Variants in PDE10A observed in about 807,000 individuals in gnomAD.
PDE10A encodes the protein cAMP and cAMP-inhibited cGMP 3',5'-cyclic phosphodiesterase 10A.
PDE10A carries 39 observed loss-of-function variants against 97.7 expected under a neutral mutation model. The observed-to-expected ratio is 0.40, with a 90% CI of 0.31 to 0.52. The LOEUF is 0.52. Among genes scored for constraint, PDE10A ranks in the 20% least tolerant of loss-of-function variants. The pLI is 0.56. For missense variants in PDE10A, 731 were observed against 1,047.8 expected (o/e 0.70, Z 4.17); for synonymous variants, 371 against 376.8 (o/e 0.98, Z 0.18).
rs578053796 is a variant in PDE10A at position 165,739,152 on chromosome 6, T to G, written c.-614-195584A>C. Among the ~76,000 whole-genome samples the G allele has an allele frequency of 2.0e-5, 3 of 152,322 alleles. No individual in the cohort carries two copies. In the East Asian group the frequency reaches 5.8e-4, roughly 29 times the overall value. On this transcript the variant is annotated intron_variant, in intron 1 of 19. Transcript: ENST00000366882. ...AGAACAAAAAATCCTAAAATTCATA[T>G]GGAATCACAGGACCCTGGATAGTCA... is the stretch of plus-strand genomic sequence containing the variant.
chr6:165,626,520 T>C (rs1364357424), intron 1 of PDE10A, among the ~76,000 whole-genome samples: 2 of 152,226 alleles, frequency 1.3e-5, no homozygotes, highest in Non-Finnish European at 2.9e-5. Context: ...AGAGAGAAGA[T>C]GTTTGGAATA....
intron 1 of PDE10A, among the ~76,000 whole-genome samples, chr6:165,689,900 C>T (rs992699937): frequency 3.3e-5 from 5 of 152,196 alleles, no homozygotes; most frequent in African/African-American, 9.7e-5. Context: ...AGTTCTGCCA[C>T]CGGGTGAGTA....
intron 2 of PDE10A, among the ~76,000 whole-genome samples, chr6:165,519,620 T>C (rs1233441451): frequency 6.6e-6 from 1 of 152,204 alleles, no homozygotes; most frequent in Non-Finnish European, 1.5e-5. Context: ...CCTTGCTTCA[T>C]AGAACACGTG....
intron 1 of PDE10A, among the ~76,000 whole-genome samples, chr6:165,858,798 G>C (rs1328245838): frequency 6.6e-6 from 1 of 152,114 alleles, no homozygotes; most frequent in African/African-American, 2.4e-5. Flanking sequence ...TTTCCCCGGG[G>C]GTACTCCCTG....
intron 1 of PDE10A, chr6:165,986,256 C>G (rs2128505286): frequency 6.5e-6 from 1 of 153,728 alleles, no homozygotes; most frequent in East Asian, 1.9e-4. Flanking sequence ...TTTCCCCACC[C>G]CCTGGCCCTC....
In PDE10A at chr6:165,332,965, AATGTC is replaced by A; in HGVS notation, c.*55_*59del. Reference sequence around the variant, plus strand: ...CCACCCCCCCCAAAAAAAGGAAAAGAATGTCAAAGAAGCAAGATGAGGATCTGTAG... The same window carrying A: ...CCACCCCCCCCAAAAAAAGGAAAAGAAAAGAAGCAAGATGAGGATCTGTAG... On this transcript the variant is annotated 3_prime_UTR_variant, in exon 22 of 22. Coordinates refer to ENST00000539869, the MANE Select transcript of PDE10A (RefSeq NM_001385079.1). 1 of 614,344 alleles carries A rather than the reference AATGTC, an allele frequency of 1.6e-6. No individual in the cohort carries two copies. Among genetic ancestry groups the A allele is most frequent in the Non-Finnish European group, 3.0e-6 (1 of 334,326 alleles). The allele number at this position is 614,344 out of a possible 1,614,324, so 38.1% of individuals were successfully genotyped here. A position where few individuals can be genotyped will look rare whatever the true frequency, so the allele number is the denominator to read the frequency against.
At chr6:165,624,492 GT>G (rs1481190236) in intron 1 of PDE10A, among the ~76,000 whole-genome samples, 3 of 152,184 alleles carry the variant, frequency 2.0e-5, no homozygotes, top group African/African-American at 7.2e-5. Flanking sequence ...GCATTTCTCT[GT>G]TTTTTATTTT....
At chr6:165,595,964 T>G (rs828560) in intron 1 of PDE10A, among the ~76,000 whole-genome samples, 44,233 of 152,052 alleles carry the variant, frequency 0.29, 8,296 homozygotes, top group African/African-American at 0.52. Flanking sequence ...GGACAAATAT[T>G]CAGACCACAG....
intron 18 of PDE10A, among the ~76,000 whole-genome samples, chr6:165,359,555 A>G (rs1263886597): frequency 6.6e-6 from 1 of 152,112 alleles, no homozygotes; most frequent in Non-Finnish European, 1.5e-5. Context: ...CTCTGCTAAA[A>G]TTCTGCATTT....
chr6:165,784,917 G>T (rs926187791), intron 1 of PDE10A, among the ~76,000 whole-genome samples: 2 of 152,180 alleles, frequency 1.3e-5, no homozygotes, highest in Non-Finnish European at 2.9e-5. Context: ...GAGAGCTCCT[G>T]GGGAACTGGT....
chr6:165,502,842 TGGAGGGTGTA>T (rs1780969547), intron 2 of PDE10A, among the ~76,000 whole-genome samples: 1 of 151,660 alleles, frequency 6.6e-6, no homozygotes, highest in African/African-American at 2.4e-5. Flanking sequence ...TAGAGGAGGG[TGGAGGGTGTA>T]GGAGGGAACA....
chr6:165,643,445 G>A (rs1442247532), intron 1 of PDE10A, among the ~76,000 whole-genome samples: 2 of 152,162 alleles, frequency 1.3e-5, no homozygotes. Flanking sequence ...AGCCTTTTCA[G>A]ATTGTCCCAT....
intron 9 of PDE10A, among the ~76,000 whole-genome samples, chr6:165,429,329 T>C (rs1247003884): frequency 2.0e-5 from 3 of 152,090 alleles, no homozygotes; most frequent in Non-Finnish European, 4.4e-5. Flanking sequence ...TCGATATGCA[T>C]GTAACGTATG....
chr6:165,676,186 A>G (rs553492395), intron 1 of PDE10A, among the ~76,000 whole-genome samples: 9 of 152,286 alleles, frequency 5.9e-5, no homozygotes, highest in African/African-American at 2.2e-4. Flanking sequence ...ATGTGTACAC[A>G]TGGATGTACA....
chr6:165,914,507 G>A (rs1170122975), intron 1 of PDE10A, among the ~76,000 whole-genome samples: 3 of 152,120 alleles, frequency 2.0e-5, no homozygotes, highest in African/African-American at 4.8e-5. Context: ...AACAGATGCC[G>A]AAACAGAGAC....
intron 13 of PDE10A, among the ~76,000 whole-genome samples, chr6:165,405,085 T>TTA (rs1554256364): frequency 3.0e-4 from 45 of 148,766 alleles, no homozygotes; most frequent in South Asian, 6.4e-4. Flanking sequence ...GGGAACAAAT[T>TTA]AAAAAAAAAA....
chr6:165,836,717 TG>T (rs1780072228), intron 1 of PDE10A, among the ~76,000 whole-genome samples: 1 of 151,966 alleles, frequency 6.6e-6, no homozygotes, highest in African/African-American at 2.4e-5. Flanking sequence ...GAGCTGAAAG[TG>T]GGGGGTCAGA....
chr6:165,454,414 C>T (rs555003648), intron 3 of PDE10A, among the ~76,000 whole-genome samples: 119 of 152,218 alleles, frequency 7.8e-4, no homozygotes, highest in African/African-American at 2.7e-3. Flanking sequence ...CCAAAGTTTG[C>T]GTTAAAAATT....
chr6:165,395,126 G>A (rs1032448793), intron 15 of PDE10A, 55 bp downstream of exon 15: 1 of 1,064,024 alleles, frequency 9.4e-7, no homozygotes, highest in African/African-American at 1.6e-5. Context: ...TGTAGAAGGA[G>A]GAAGAGGTTA....
Sources: gnomAD v4.1 joint callset for allele counts (sites outside exome capture counted in the v4.1 genomes callset) on GRCh38, gnomAD v4.1.1 for gene constraint, MANE v1.5 for transcripts, NCBI Gene and HGNC (gene_info 2026-07-23, HGNC 2026-07-21) for gene names.